ADCY1: variants seen among roughly 807,000 people sequenced by gnomAD.
ADCY1 encodes adenylate cyclase type 1.
A neutral mutation model predicts 105.4 loss-of-function variants in ADCY1; 28 were observed. The observed-to-expected ratio is 0.27, with a 90% CI of 0.20 to 0.36. ADCY1 has a LOEUF of 0.36. Ranked by LOEUF, ADCY1 falls within the 10% of genes least tolerant of loss-of-function variation. ADCY1 has a pLI of 1.00. For synonymous variants in ADCY1, 655 were observed against 623.8 expected (o/e 1.05, Z -0.75); for missense variants, 977 against 1,434.2 (o/e 0.68, Z 5.15).
intron 5 of ADCY1, among the ~76,000 whole-genome samples, chr7:45,652,049 AC>A (rs1365240308): frequency 5.3e-5 from 8 of 152,326 alleles, no homozygotes; most frequent in Non-Finnish European, 2.9e-5. Context: ...CAGGAGACTT[AC>A]AATCATGGCG....
intron 3 of ADCY1, among the ~76,000 whole-genome samples, chr7:45,622,137 C>T (rs573102321): frequency 3.4e-4 from 52 of 152,248 alleles, no homozygotes; most frequent in African/African-American, 1.2e-3. Flanking sequence ...CCCAGGAATT[C>T]GGGGACTCCC....
At chr7:45,660,472 C>T (rs994239473) in intron 7 of ADCY1, among the ~76,000 whole-genome samples, 1 of 152,248 alleles carries the variant, frequency 6.6e-6, no homozygotes, top group Non-Finnish European at 1.5e-5. Context: ...ACTGCCTCCC[C>T]TGCAAAGTGG....
chr7:45,688,280 A>C (rs1784725533), intron 14 of ADCY1, among the ~76,000 whole-genome samples: 1 of 152,224 alleles, frequency 6.6e-6, no homozygotes, highest in Non-Finnish European at 1.5e-5. Flanking sequence ...CCAGGTGTGC[A>C]AGAAATAACT....
intron 14 of ADCY1, among the ~76,000 whole-genome samples, chr7:45,690,844 C>T (rs1395580041): frequency 6.6e-6 from 1 of 152,232 alleles, no homozygotes; most frequent in Non-Finnish European, 1.5e-5. Context: ...TATGTTGACC[C>T]AGCCATCAGC....
chr7:45,614,935 A>G (rs985761098), intron 3 of ADCY1, among the ~76,000 whole-genome samples: 11 of 152,250 alleles, frequency 7.2e-5, no homozygotes, highest in African/African-American at 2.4e-4. Flanking sequence ...ATAATAGGCG[A>G]CTTCAGTAGT....
At chr7:45,614,718 G>C (rs1659014895) in intron 3 of ADCY1, among the ~76,000 whole-genome samples, 1 of 152,164 alleles carries the variant, frequency 6.6e-6, no homozygotes, top group South Asian at 2.1e-4. Context: ...ACCCCAAATA[G>C]AGCAAAGATG....
intron 4 of ADCY1, among the ~76,000 whole-genome samples, chr7:45,636,007 A>G (rs972306666): frequency 3.3e-5 from 5 of 151,996 alleles, no homozygotes; most frequent in Non-Finnish European, 5.9e-5. Context: ...CTGTTATTCA[A>G]TTTTTAAATA....
intron 4 of ADCY1, among the ~76,000 whole-genome samples, chr7:45,626,195 G>A (rs749894040): frequency 9.8e-5 from 15 of 152,336 alleles, no homozygotes; most frequent in Middle Eastern, 3.4e-3. Context: ...CCACAAATAC[G>A]TAAACAAATG....
At chr7:45,648,639 C>T (rs747701119) in intron 4 of ADCY1, 31 bp from the exon 5 acceptor site, 2 of 1,613,838 alleles carry the variant, frequency 1.2e-6, no homozygotes, top group South Asian at 1.1e-5. Context: ...GTAGCGCTGT[C>T]TCTTACCATG....
intron 8 of ADCY1, among the ~76,000 whole-genome samples, chr7:45,666,716 A>G (rs371204319): frequency 0.039 from 6,007 of 152,288 alleles, 138 homozygotes; most frequent in East Asian, 0.065. Context: ...GTCTTCCACA[A>G]TGGTTGAACC....
chr7:45,605,836 T>TG (rs1793358097), intron 2 of ADCY1, among the ~76,000 whole-genome samples: 1 of 152,260 alleles, frequency 6.6e-6, no homozygotes, highest in African/African-American at 2.4e-5. Flanking sequence ...GTTGGTTGTC[T>TG]TTGTTCACTT....
chr7:45,607,269 C>T (rs1323214794), intron 2 of ADCY1, among the ~76,000 whole-genome samples: 4 of 152,060 alleles, frequency 2.6e-5, no homozygotes, highest in Admixed American at 6.6e-5. Context: ...TATGGTGGTG[C>T]GGCAGATGTG....
At chr7:45,620,087 T>C (rs1427267738) in intron 3 of ADCY1, among the ~76,000 whole-genome samples, 1 of 152,152 alleles carries the variant, frequency 6.6e-6, no homozygotes, top group Non-Finnish European at 1.5e-5. Flanking sequence ...TTCTTCAATA[T>C]GTGACAAAAT....
chr7:45,581,902 C>T (rs1792558651), intron 1 of ADCY1, among the ~76,000 whole-genome samples: 2 of 152,114 alleles, frequency 1.3e-5, no homozygotes, highest in African/African-American at 2.4e-5. Flanking sequence ...CATACACTCA[C>T]ACTCATTCTC....
rs1468871118 is a variant in ADCY1 at position 45,647,555 on chromosome 7, T to TC, written c.1021-1113dup. Among the ~76,000 whole-genome samples, 1 of 152,180 alleles carries TC rather than the reference T, an allele frequency of 6.6e-6. No homozygotes were observed. Among genetic ancestry groups the TC allele is most frequent in the East Asian group, 1.9e-4 (1 of 5,188 alleles). ...AGGGGACTTGTGAGGTCCTTCCTCA[T>TC]CCAGCACTGTGCTTGTGTGAGGCTG... is the stretch of plus-strand genomic sequence containing the variant. On this transcript the variant is annotated intron_variant, in intron 4 of 19. Transcript: ENST00000297323. The surrounding 1 kb of genome is among the most constrained non-coding windows in gnomAD (Gnocchi z 4.6).
chr7:45,678,104 G>C, intron 9 of ADCY1, 41 bp downstream of exon 9: 5 of 1,613,636 alleles, frequency 3.1e-6, no homozygotes, highest in Non-Finnish European at 4.2e-6. Flanking sequence ...TGCTGCTTGC[G>C]AAGGCGCTGC....
chr7:45,610,768 T>TGGTGA (rs879886055), intron 3 of ADCY1, among the ~76,000 whole-genome samples: 24 of 141,030 alleles, frequency 1.7e-4, no homozygotes, highest in Admixed American at 2.8e-4. Flanking sequence ...GTAGAGGTGA[T>TGGTGA]AGTGGAGGTG....
intron 3 of ADCY1, among the ~76,000 whole-genome samples, chr7:45,613,610 A>G (rs185089716): frequency 2.1e-3 from 322 of 152,302 alleles, no homozygotes; most frequent in African/African-American, 7.2e-3. Flanking sequence ...GAATATGTAT[A>G]CACACAATGA....
intron 8 of ADCY1, among the ~76,000 whole-genome samples, chr7:45,675,874 A>C (rs1784447366): frequency 6.6e-6 from 1 of 152,120 alleles, no homozygotes; most frequent in Non-Finnish European, 1.5e-5. Flanking sequence ...GAGATTTGCT[A>C]ACTTACTTCA....
Sources: gnomAD v4.1 joint callset for allele counts (sites outside exome capture counted in the v4.1 genomes callset) on GRCh38, gnomAD v4.1.1 for gene constraint, Gnocchi (gnomAD v3.1) non-coding constraint, MANE v1.5 for transcripts, NCBI Gene and HGNC (gene_info 2026-07-23, HGNC 2026-07-21) for gene names.